IRX2: variants seen among roughly 807,000 people sequenced by gnomAD.
The protein encoded by IRX2 is iroquois-class homeodomain protein IRX-2.
A neutral mutation model predicts 42.9 loss-of-function variants in IRX2; 26 were observed. The observed-to-expected ratio is 0.61, with a 90% CI of 0.44 to 0.84. The LOEUF is 0.84. Among genes scored for constraint, IRX2 ranks in the 40% least tolerant of loss-of-function variants. IRX2 has a pLI of 0.00. For missense variants in IRX2, 782 were observed against 713.9 expected (o/e 1.10, Z -1.09); for synonymous variants, 424 against 353.9 (o/e 1.20, Z -2.22).
Position 2,748,581 on chromosome 5 carries a change from G to C in IRX2, c.1127C>G (p.Pro376Arg), listed in dbSNP as rs1415210624. 3.2e-6 allele frequency: 5 copies of C among 1,559,048 alleles called. No homozygotes were observed. The South Asian group carries it at 3.5e-5, about 11-fold the overall frequency. ...PPGGSPYPAS[P>R]LLGRPLYYTS... The stretch of plus-strand genomic sequence containing the variant: ...GTAGTAGAGGGGGCGGCCCAGCAGC[G>C]GCGAGGCAGGGTAGGGCGAGCCTCC... The change falls in exon 3 of 4, where the codon CCG becomes CGG. Residue 376 changes from proline to arginine, a missense_variant. Physicochemically the swap from Pro to Arg is moderately radical, Grantham distance 103. Coordinates refer to ENST00000302057, the MANE Select transcript of IRX2 (RefSeq NM_033267.5).
chr5:2,751,079 GC>G lies in IRX2; in HGVS notation c.249+85del, dbSNP rs967893098. The G allele has an allele frequency of 7.6e-6, 9 of 1,181,722 alleles. No individual in the cohort carries two copies. The highest frequency in any genetic ancestry group is 4.5e-5 in the Admixed American group (1 of 22,070). 73.2% of individuals were successfully genotyped at this position (1,181,722 alleles called of 1,614,324 possible). A position where few individuals can be genotyped will look rare whatever the true frequency, so the allele number is the denominator to read the frequency against. On this transcript the variant is annotated intron_variant, in intron 1 of 3. Coordinates refer to ENST00000302057, the MANE Select transcript of IRX2 (RefSeq NM_033267.5). The surrounding 1 kb of genome is among the most constrained non-coding windows in gnomAD (Gnocchi z 4.0). The stretch of plus-strand genomic sequence containing the variant: ...CCGCGCCACATTCCCGGCGGCCCCC[GC>G]CCGCCGAACCCGAGCCCCGCTCCGC...
At chr5:2,745,059 T>A (rs990078265), downstream of IRX2, among the ~76,000 whole-genome samples, 1 of 152,208 alleles carries the variant, frequency 6.6e-6, no homozygotes, top group Non-Finnish European at 1.5e-5. Context: ...CAATTTCCCA[T>A]CCTCAGACAC....
At position 2,751,280 on chromosome 5, in the gene IRX2, AACGCCGAGCCCG is replaced by A. The variant is rs903042197; in HGVS notation, c.122_133del (p.Ser41_Ala44del). ...GGCCGCCGAGCCCGGGTAGGGGCTG[AACGCCGAGCCCG>A]ACGCCGAGCGCGCCAGCTCCTCGCT... On this transcript the variant is annotated inframe_deletion, in exon 1 of 4. Transcript: ENST00000302057. This position sits in a 1 kb window ranked among gnomAD's most constrained non-coding sequence, Gnocchi z 4.0. 3 of 1,428,342 alleles carry A rather than the reference AACGCCGAGCCCG, an allele frequency of 2.1e-6. No individual in the cohort carries two copies. The highest frequency in any genetic ancestry group is 1.3e-5 in the South Asian group (1 of 74,302). The allele number at this position is 1,428,342 out of a possible 1,614,324, so 88.5% of individuals were successfully genotyped here. A position where few individuals can be genotyped will look rare whatever the true frequency, so the allele number is the denominator to read the frequency against.
At chr5:2,750,359 A>G (rs1338833638) in intron 1 of IRX2, among the ~76,000 whole-genome samples, 1 of 152,250 alleles carries the variant, frequency 6.6e-6, no homozygotes, top group African/African-American at 2.4e-5. Context: ...AGCCTTCGCC[A>G]AGGCCCCAGC....
rs570161229 is a variant in IRX2, at chr5:2,749,533, C to A, written c.504G>T (p.Ala168=). 2.5e-6 allele frequency: 4 copies of A among 1,614,206 alleles called. No homozygotes were observed. The highest frequency in any genetic ancestry group is 3.4e-6 in the Non-Finnish European group (4 of 1,180,036). ...LTQVSTWFAN[A]RRRLKKENKM... is the part of the protein sequence containing the mutation. ...TGTTCTCCTTCTTGAGGCGCCGGCGCGCGTTGGCGAACCAGGTGGAGACCT... is the reference window on the plus strand; with the variant it reads ...TGTTCTCCTTCTTGAGGCGCCGGCGAGCGTTGGCGAACCAGGTGGAGACCT... The change falls in exon 2 of 4, where the codon GCG becomes GCT. Residue 168 remains alanine (A), a synonymous_variant. Transcript: ENST00000302057.
In IRX2 at chr5:2,749,767, G is replaced by A. The variant is rs954654666; in HGVS notation, c.270C>T (p.His90=). The A allele has an allele frequency of 1.9e-6, 3 of 1,608,966 alleles. No individual in the cohort carries two copies. Among genetic ancestry groups the A allele is most frequent in the Admixed American group, 1.7e-5 (1 of 59,832 alleles). The change falls in exon 2 of 4, where the codon CAC becomes CAT. Residue 90 remains histidine, a synonymous_variant. Coordinates refer to ENST00000302057, the MANE Select transcript of IRX2 (RefSeq NM_033267.5). ...PSYMGAPYDA[H]TTGMTGAISY... ...TGATGGCGCCGGTCATGCCGGTGGTGTGCGCGTCGTAGGGTGCGCCCTGGA... is the reference window on the plus strand; with the variant it reads ...TGATGGCGCCGGTCATGCCGGTGGTATGCGCGTCGTAGGGTGCGCCCTGGA...
chr5:2,738,341 C>A, the IRX2 span, among the ~76,000 whole-genome samples: 7,383 of 152,242 alleles, frequency 0.048, 626 homozygotes, highest in African/African-American at 0.17. Flanking sequence ...ATGAAGGGCA[C>A]TTTTATTTGA....
chr5:2,742,487 C>A (rs963491950), downstream of IRX2, among the ~76,000 whole-genome samples: 4 of 152,182 alleles, frequency 2.6e-5, no homozygotes, highest in Admixed American at 6.5e-5. Flanking sequence ...TGATGTTAAT[C>A]ATAATATCCA....
In IRX2 at chr5:2,748,614, G is replaced by A. The variant is rs1737782277; in HGVS notation, c.1094C>T (p.Ala365Val). Reference sequence around the variant, plus strand: ...AGGGTAGGGCGAGCCTCCTGGCGGTGCCCCGGTTGAGGCCGGCGCGGCGGC... The same window carrying A: ...AGGGTAGGGCGAGCCTCCTGGCGGTACCCCGGTTGAGGCCGGCGCGGCGGC... ...PAAAAPASTGAPPGGSPYPAS... is the reference protein window; with the variant it reads ...PAAAAPASTGVPPGGSPYPAS... The change falls in exon 3 of 4, where the codon GCA becomes GTA. Residue 365 changes from alanine (A) to valine (V), a missense_variant. Physicochemically the swap from Ala to Val is moderately conservative, Grantham distance 64. Transcript: ENST00000302057. The A allele has an allele frequency of 2.0e-6, 3 of 1,522,488 alleles. No individual in the cohort carries two copies. Among genetic ancestry groups the A allele is most frequent in the Middle Eastern group, 2.1e-4 (1 of 4,786 alleles). 94.3% of individuals were successfully genotyped at this position (1,522,488 alleles called of 1,614,324 possible). A position where few individuals can be genotyped will look rare whatever the true frequency, so the allele number is the denominator to read the frequency against.
chr5:2,742,489 TA>T (rs1737564966), downstream of IRX2, among the ~76,000 whole-genome samples: 1 of 152,228 alleles, frequency 6.6e-6, no homozygotes, highest in South Asian at 2.1e-4. Context: ...ATGTTAATCA[TA>T]ATATCCACAT....
intron 1 of IRX2, among the ~76,000 whole-genome samples, chr5:2,750,953 C>T (rs1737936145): frequency 6.6e-6 from 1 of 151,838 alleles, no homozygotes; most frequent in Non-Finnish European, 1.5e-5. Context: ...GGGTCCCGGC[C>T]GGGCTCAGGG....
rs528710268 is a variant in IRX2 at position 2,751,423 on chromosome 5, G to A, written c.-10C>T. On this transcript the variant is annotated 5_prime_UTR_variant, in exon 1 of 4. Coordinates refer to ENST00000302057, the MANE Select transcript of IRX2 (RefSeq NM_033267.5). The surrounding 1 kb of genome is among the most constrained non-coding windows in gnomAD (Gnocchi z 4.0). ...CCTGCGGGTAGGACATGGTGGGCGC[G>A]GGGCGCGGGGCCCGCGTCACGCCGA... The A allele has an allele frequency of 7.7e-7, 1 of 1,295,846 alleles. No homozygotes were observed. The highest frequency in any genetic ancestry group is 9.8e-7 in the Non-Finnish European group (1 of 1,021,428). 80.3% of individuals were successfully genotyped at this position (1,295,846 alleles called of 1,614,324 possible).
downstream of IRX2, among the ~76,000 whole-genome samples, chr5:2,743,616 C>G (rs1000865484): frequency 6.6e-6 from 1 of 152,152 alleles, no homozygotes; most frequent in African/African-American, 2.4e-5. Flanking sequence ...CTGGTCGCCC[C>G]GTTTTGCCGA....
the IRX2 span, among the ~76,000 whole-genome samples, chr5:2,735,825 G>A: frequency 2.6e-5 from 4 of 152,138 alleles, no homozygotes; most frequent in Admixed American, 2.0e-4. Context: ...AGCAACTAGT[G>A]GAGCTTGGTA....
chr5:2,749,215 C>G lies in IRX2; in HGVS notation c.656-163G>C, dbSNP rs574677624. ...GAGCCTGACCTCCCCGGGAAGGGCC[C>G]GAGGAATCGCTCGCTCAAATCCCGG... On this transcript the variant is annotated intron_variant, in intron 2 of 3. Transcript: ENST00000302057. Among the ~76,000 whole-genome samples the G allele has an allele frequency of 2.9e-3, 436 of 152,310 alleles. 2 individuals are homozygous for G. Among genetic ancestry groups the G allele is most frequent in the African/African-American group, 0.01 (423 of 41,576 alleles).
In IRX2 at chr5:2,748,609, G is replaced by T; in HGVS notation, c.1099C>A (p.Pro367Thr). The change falls in exon 3 of 4, where the codon CCA becomes ACA. Residue 367 changes from proline to threonine, a missense_variant. This residue lies in a region of IRX2 where 520 missense variants were observed against 437.8 expected (regional missense o/e 1.19). Transcript: ENST00000302057. Reference sequence around the variant, plus strand: ...GAGGCAGGGTAGGGCGAGCCTCCTGGCGGTGCCCCGGTTGAGGCCGGCGCG... The same window carrying T: ...GAGGCAGGGTAGGGCGAGCCTCCTGTCGGTGCCCCGGTTGAGGCCGGCGCG... ...AAAPASTGAP[P>T]GGSPYPASPL... 1.3e-6 allele frequency: 2 copies of T among 1,531,890 alleles called. No individual in the cohort carries two copies. Among genetic ancestry groups the T allele is most frequent in the South Asian group, 1.2e-5 (1 of 82,518 alleles). 94.9% of individuals were successfully genotyped at this position (1,531,890 alleles called of 1,614,324 possible). A position where few individuals can be genotyped will look rare whatever the true frequency, so the allele number is the denominator to read the frequency against.
chr5:2,748,901 G>GT lies in IRX2; in HGVS notation c.806dup (p.Asp269GlufsTer243), dbSNP rs1351292136. 1 of 1,595,146 alleles carries GT rather than the reference G, an allele frequency of 6.3e-7. No homozygotes were observed. The highest frequency in any genetic ancestry group is 8.5e-7 in the Non-Finnish European group (1 of 1,178,856). ...CCAGGCCCCGCTCGCCCTCCTCGTCGTCGTCCTCGTCGTCCTCCAGGTCGT... is the reference window on the plus strand; with the variant it reads ...CCAGGCCCCGCTCGCCCTCCTCGTCGTTCGTCCTCGTCGTCCTCCAGGTCGT... On this transcript the variant is annotated frameshift_variant, in exon 3 of 4. Coordinates refer to ENST00000302057, the MANE Select transcript of IRX2 (RefSeq NM_033267.5). LOFTEE classifies it high-confidence loss of function.
Position 2,751,442 on chromosome 5 carries a change from A to T in IRX2, c.-29T>A. The stretch of plus-strand genomic sequence containing the variant: ...GGGCGCGGGGCGCGGGGCCCGCGTC[A>T]CGCCGAGCAGCGGGCAGGGCGCGCG... On this transcript the variant is annotated 5_prime_UTR_variant, in exon 1 of 4. An upstream open reading frame in the 5' UTR loses its in-frame stop. Transcript: ENST00000302057. This position sits in a 1 kb window ranked among gnomAD's most constrained non-coding sequence, Gnocchi z 4.0. 1 of 1,226,188 alleles carries T rather than the reference A, an allele frequency of 8.2e-7. No homozygotes were observed. Among genetic ancestry groups the T allele is most frequent in the Non-Finnish European group, 1.0e-6 (1 of 983,190 alleles). The allele number at this position is 1,226,188 out of a possible 1,614,324, so 76.0% of individuals were successfully genotyped here.
In IRX2 at chr5:2,748,894, C is replaced by T; in HGVS notation, c.814G>A (p.Glu272Lys). ...DLEDDEDDDE[E>K]GERGLAPPKP... is the part of the protein sequence containing the mutation. ...GGCGGCGCCAGGCCCCGCTCGCCCT[C>T]CTCGTCGTCGTCCTCGTCGTCCTCC... The change falls in exon 3 of 4, where the codon GAG becomes AAG. Residue 272 changes from glutamate (E) to lysine (K), a missense_variant. This residue lies in a region of IRX2 where 520 missense variants were observed against 437.8 expected (regional missense o/e 1.19). Transcript: ENST00000302057. 1 of 1,595,962 alleles carries T rather than the reference C, an allele frequency of 6.3e-7. No homozygotes were observed. The highest frequency in any genetic ancestry group is 8.5e-7 in the Non-Finnish European group (1 of 1,179,082).
Sources: gnomAD v4.1 joint callset for allele counts (sites outside exome capture counted in the v4.1 genomes callset) on GRCh38, gnomAD v4.1.1 for gene constraint, gnomAD v4.1.1 regional missense constraint, Gnocchi (gnomAD v3.1) non-coding constraint, MANE v1.5 for transcripts, NCBI Gene and HGNC (gene_info 2026-07-23, HGNC 2026-07-21) for gene names.